CHEK1: variants seen among roughly 807,000 people sequenced by gnomAD.
The protein encoded by CHEK1 is serine/threonine-protein kinase Chk1.
CHEK1 carries 32 observed loss-of-function variants against 60.2 expected under a neutral mutation model. The ratio of observed to expected loss-of-function variants is 0.53; its 90% CI spans 0.40 to 0.71. The LOEUF is 0.71. Ranked by LOEUF, CHEK1 falls within the 30% of genes least tolerant of loss-of-function variation. CHEK1 has a pLI of 0.00. For missense variants in CHEK1, 399 were observed against 564.6 expected (o/e 0.71, Z 2.97); for synonymous variants, 179 against 187.2 (o/e 0.96, Z 0.36).
At chr11:125,627,257 A>C (rs554664870) in intron 2 of CHEK1, among the ~76,000 whole-genome samples, 14 of 152,330 alleles carry the variant, frequency 9.2e-5, no homozygotes, top group Admixed American at 6.5e-4. Context: ...ATAGGAGCTT[A>C]GGACAGTCAG....
At position 125,655,893 on chromosome 11, in the gene CHEK1, GT is replaced by G. The variant is rs1026499237; in HGVS notation, c.*579del. 2.1e-4 allele frequency: 44 copies of G among 210,026 alleles called. No individual in the cohort carries two copies. The highest frequency in any genetic ancestry group is 9.3e-4 in the African/African-American group (41 of 44,190). 13.0% of individuals were successfully genotyped at this position (210,026 alleles called of 1,614,324 possible). Reference sequence around the variant, plus strand: ...TGATTAATTAAAATTGCAAGTAGGTGTTTTTTCCAGTGTAGTTAGTAAAATA... The same window carrying G: ...TGATTAATTAAAATTGCAAGTAGGTGTTTTTCCAGTGTAGTTAGTAAAATA... On this transcript the variant is annotated 3_prime_UTR_variant, in exon 13 of 13. Transcript: ENST00000438015.
chr11:125,679,167 A>T (rs1364015542), downstream of CHEK1, among the ~76,000 whole-genome samples: 1 of 142,220 alleles, frequency 7.0e-6, no homozygotes, highest in African/African-American at 2.6e-5. Context: ...AAACTCTTAC[A>T]TGGTTATTTT....
At chr11:125,678,610 T>A (rs1942635331), downstream of CHEK1, among the ~76,000 whole-genome samples, 1 of 151,982 alleles carries the variant, frequency 6.6e-6, no homozygotes, top group African/African-American at 2.4e-5. Flanking sequence ...GGAAAATGAA[T>A]GTGCCTCCCT....
intron 13 of CHEK1, among the ~76,000 whole-genome samples, chr11:125,662,428 G>A (rs1354672634): frequency 6.6e-6 from 1 of 152,206 alleles, no homozygotes. Flanking sequence ...TTGGGTTTCA[G>A]TATATTAATT....
intron 13 of CHEK1, chr11:125,672,261 G>T: frequency 4.8e-6 from 1 of 210,028 alleles, no homozygotes; most frequent in Non-Finnish European, 9.5e-6. Context: ...GTTTAGTGTC[G>T]GTGTGGAAGG....
In CHEK1 at chr11:125,664,472, T is replaced by A. The variant is rs929093198; in HGVS notation, c.*27+9125T>A. Among the ~76,000 whole-genome samples, 7 of 152,186 alleles carry A rather than the reference T, an allele frequency of 4.6e-5. No individual in the cohort carries two copies. The South Asian group carries it at 1.0e-3, about 23-fold the overall frequency. ...CTGGTCTCGAACTCCTGACCTCAAGTGATCCACCCATCTCAGCCTCCCCAA... is the reference window on the plus strand; with the variant it reads ...CTGGTCTCGAACTCCTGACCTCAAGAGATCCACCCATCTCAGCCTCCCCAA... On this transcript the variant is annotated intron_variant, in intron 13 of 13. Transcript: ENST00000428830.
Position 125,625,720 on chromosome 11 carries a change from G to A in CHEK1, c.-313G>A. ...CACCGCCCAGTCGAGCCTCACACCG[G>A]ATGCCACTTCATATTTGGGCCCAGA... On this transcript the variant is annotated 5_prime_UTR_variant, in exon 1 of 13. Transcript: ENST00000438015. 2 of 655,260 alleles carry A rather than the reference G, an allele frequency of 3.1e-6. No individual in the cohort carries two copies. The highest frequency in any genetic ancestry group is 5.6e-6 in the Non-Finnish European group (2 of 355,650). 40.6% of individuals were successfully genotyped at this position (655,260 alleles called of 1,614,324 possible).
chr11:125,666,432 C>T (rs1942099897), intron 13 of CHEK1, among the ~76,000 whole-genome samples: 1 of 152,090 alleles, frequency 6.6e-6, no homozygotes, highest in Non-Finnish European at 1.5e-5. Context: ...TATGGTCTGA[C>T]TTGAAAAGTG....
chr11:125,673,402 C>G (rs4935924), intron 13 of CHEK1, among the ~76,000 whole-genome samples: 16,359 of 151,916 alleles, frequency 0.11, 1,170 homozygotes, highest in Admixed American at 0.23. Context: ...GGGGTTTCAC[C>G]ATGTTGGTCA....
chr11:125,625,606 G>A lies in CHEK1; in HGVS notation c.-427G>A. The A allele has an allele frequency of 3.4e-6, 2 of 595,296 alleles. No homozygotes were observed. Among genetic ancestry groups the A allele is most frequent in the South Asian group, 4.0e-5 (2 of 49,666 alleles). 36.9% of individuals were successfully genotyped at this position (595,296 alleles called of 1,614,324 possible). A position where few individuals can be genotyped will look rare whatever the true frequency, so the allele number is the denominator to read the frequency against. On this transcript the variant is annotated 5_prime_UTR_variant, in exon 1 of 13. Coordinates refer to ENST00000438015, the MANE Select transcript of CHEK1 (RefSeq NM_001114122.3). ...TTTCAGGCCCAGAGCGGCCAGGAGC[G>A]AAGCCCGCAGCCCCGCCTGGAAGCG...
At chr11:125,679,999 C>T (rs1363428070), downstream of CHEK1, among the ~76,000 whole-genome samples, 1 of 152,198 alleles carries the variant, frequency 6.6e-6, no homozygotes, top group African/African-American at 2.4e-5. Flanking sequence ...ATTTCTTGAT[C>T]TTATAGTTTA....
intron 5 of CHEK1, among the ~76,000 whole-genome samples, chr11:125,632,103 T>C (rs1303490379): frequency 6.6e-6 from 1 of 152,176 alleles, no homozygotes; most frequent in Non-Finnish European, 1.5e-5. Flanking sequence ...TTTTTTATGC[T>C]ATAATATTTT....
At position 125,626,000 on chromosome 11, in the gene CHEK1, A is replaced by G. The variant is rs1940578332; in HGVS notation, c.-33A>G. The G allele has an allele frequency of 4.3e-6, 3 of 701,758 alleles. No homozygotes were observed. The highest frequency in any genetic ancestry group is 1.7e-5 in the African/African-American group (1 of 57,258). 43.5% of individuals were successfully genotyped at this position (701,758 alleles called of 1,614,324 possible). A position where few individuals can be genotyped will look rare whatever the true frequency, so the allele number is the denominator to read the frequency against. The stretch of plus-strand genomic sequence containing the variant: ...CATTTGGATTCCTGCAGTGGTGGGC[A>G]AAGGACAGTCCGGTGAGGAAGGGCG... On this transcript the variant is annotated 5_prime_UTR_variant, in exon 1 of 13. Coordinates refer to ENST00000438015, the MANE Select transcript of CHEK1 (RefSeq NM_001114122.3).
chr11:125,677,678 G>T, downstream of CHEK1: 1 of 1,350,916 alleles, frequency 7.4e-7, no homozygotes, highest in Non-Finnish European at 1.0e-6. Flanking sequence ...TGAGAGAGCT[G>T]TTTGTGAAGT....
rs1162446704 is a variant in CHEK1 at position 125,629,454 on chromosome 11, GA to G, written c.421del (p.Arg141GlyfsTer24). On this transcript the variant is annotated frameshift_variant, in exon 5 of 13. Coordinates refer to ENST00000438015, the MANE Select transcript of CHEK1 (RefSeq NM_001114122.3). LOFTEE classifies it high-confidence loss of function. ...DIKPENLLLD[E>X]RDNLKISDFG... Reference sequence around the variant, plus strand: ...TAAACCAGAAAATCTTCTGTTGGATGAAAGGGGTAAGTTTAGCATTTTATCA... The same window carrying G: ...TAAACCAGAAAATCTTCTGTTGGATGAAGGGGTAAGTTTAGCATTTTATCA... 1 of 1,609,838 alleles carries G rather than the reference GA, an allele frequency of 6.2e-7. No homozygotes were observed. Among genetic ancestry groups the G allele is most frequent in the South Asian group, 1.1e-5 (1 of 90,818 alleles).
chr11:125,631,745 C>T (rs1258199489), intron 5 of CHEK1, among the ~76,000 whole-genome samples: 2 of 150,322 alleles, frequency 1.3e-5, no homozygotes, highest in African/African-American at 4.9e-5. Flanking sequence ...GGAGTCCCAG[C>T]TACTTGGAAG....
intron 13 of CHEK1, among the ~76,000 whole-genome samples, chr11:125,673,854 C>T (rs1275568210): frequency 2.0e-5 from 3 of 152,042 alleles, no homozygotes; most frequent in South Asian, 2.1e-4. Context: ...TTCTGTCACT[C>T]GGTTTCCATT....
rs1369909741 is a variant in CHEK1 at position 125,655,575 on chromosome 11, T to C, written c.*255T>C. 2.0e-5 allele frequency: 6 copies of C among 301,432 alleles called. No homozygotes were observed. Among genetic ancestry groups the C allele is most frequent in the Non-Finnish European group, 3.6e-5 (6 of 164,388 alleles). The allele number at this position is 301,432 out of a possible 1,614,324, so 18.7% of individuals were successfully genotyped here. A position where few individuals can be genotyped will look rare whatever the true frequency, so the allele number is the denominator to read the frequency against. On this transcript the variant is annotated 3_prime_UTR_variant, in exon 13 of 13. Transcript: ENST00000438015. ...TGATTATTTCTTCATGTGTGTTTAG[T>C]ATCTGAATTTGAAACTCATCTGGTG...
In CHEK1 at chr11:125,656,529, A is replaced by T; in HGVS notation, c.*1209A>T. ...ATTCAAACCTGTTTTATTTATTTGAACCTATTTACGGTATGCTTAAGAATT... is the reference window on the plus strand; with the variant it reads ...ATTCAAACCTGTTTTATTTATTTGATCCTATTTACGGTATGCTTAAGAATT... On this transcript the variant is annotated 3_prime_UTR_variant, in exon 13 of 13. Coordinates refer to ENST00000438015, the MANE Select transcript of CHEK1 (RefSeq NM_001114122.3). 4.6e-6 allele frequency: 1 copy of T among 215,064 alleles called. No homozygotes were observed. The highest frequency in any genetic ancestry group is 9.4e-6 in the Non-Finnish European group (1 of 106,670). The allele number at this position is 215,064 out of a possible 1,614,324, so 13.3% of individuals were successfully genotyped here.
Sources: gnomAD v4.1 joint callset for allele counts (sites outside exome capture counted in the v4.1 genomes callset) on GRCh38, gnomAD v4.1.1 for gene constraint, MANE v1.5 for transcripts, NCBI Gene and HGNC (gene_info 2026-07-23, HGNC 2026-07-21) for gene names.